The following PTPRT variants were observed in gnomAD, a reference collection of about 807,000 sequenced individuals.
PTPRT encodes receptor-type tyrosine-protein phosphatase T.
Under a neutral mutation model 176.8 loss-of-function variants are expected in PTPRT, and 56 were observed. That is an observed-to-expected ratio of 0.32 (90% confidence interval 0.26 to 0.40). The LOEUF (loss-of-function observed/expected upper bound fraction) is 0.40, where lower values mean the gene tolerates loss of function less well. Among genes scored for constraint, PTPRT ranks in the 10% least tolerant of loss-of-function variants. The pLI is 1.00. For missense variants in PTPRT, 1,540 were observed against 1,908.2 expected, an observed-to-expected ratio of 0.81 and a Z score of 3.60; for synonymous variants, 783 against 739.0, an observed-to-expected ratio of 1.06 and a Z score of -0.96.
At position 43,032,588 on chromosome 20, in the gene PTPRT, T is replaced by C. The variant is rs936279157; in HGVS notation, c.89-146656A>G. Among the ~76,000 whole-genome samples the C allele has an allele frequency of 3.3e-5, 5 of 152,216 alleles. No individual in the cohort carries two copies. In the East Asian group the frequency reaches 9.7e-4, roughly 29 times the overall value. On this transcript the variant is annotated intron_variant, in intron 1 of 30. Transcript: ENST00000373187. The stretch of plus-strand genomic sequence containing the variant: ...CATTTTTGTACCTGTTTATGTTCAC[T>C]TGATAAACAGAGGAAAGCTAATGCC...
intron 12 of PTPRT, among the ~76,000 whole-genome samples, chr20:42,302,622 C>A (rs1354683342): frequency 6.6e-6 from 1 of 152,170 alleles, no homozygotes; most frequent in Non-Finnish European, 1.5e-5. Context: ...AATTTATTGC[C>A]CACATTTGTC....
At chr20:42,343,010 A>G (rs1241572768) in intron 11 of PTPRT, among the ~76,000 whole-genome samples, 1 of 152,162 alleles carries the variant, frequency 6.6e-6, no homozygotes, top group East Asian at 1.9e-4. Context: ...ATATCTTGTT[A>G]CACTGTCTTC....
intron 1 of PTPRT, among the ~76,000 whole-genome samples, chr20:43,096,986 G>A (rs1192345148): frequency 1.3e-5 from 2 of 152,234 alleles, no homozygotes; most frequent in African/African-American, 2.4e-5. Flanking sequence ...AAAAGCCAAA[G>A]CTTCTGAGCA....
At chr20:42,882,546 C>A (rs1283251070) in intron 2 of PTPRT, among the ~76,000 whole-genome samples, 3 of 152,308 alleles carry the variant, frequency 2.0e-5, no homozygotes, top group Non-Finnish European at 1.5e-5. Flanking sequence ...GAGGAAAATA[C>A]ATGATCAGTT....
chr20:42,435,648 G>A (rs1186430673), intron 9 of PTPRT, among the ~76,000 whole-genome samples: 3 of 152,052 alleles, frequency 2.0e-5, no homozygotes, highest in Admixed American at 2.0e-4. Context: ...AACTATGAGA[G>A]ATATTAAAGA....
intron 12 of PTPRT, among the ~76,000 whole-genome samples, chr20:42,306,702 T>A (rs1314263367): frequency 6.6e-6 from 1 of 152,178 alleles, no homozygotes; most frequent in Non-Finnish European, 1.5e-5. Flanking sequence ...GGTACAGGTC[T>A]AAGGTCTGCT....
At chr20:42,905,004 T>G (rs2079455745) in intron 1 of PTPRT, among the ~76,000 whole-genome samples, 1 of 152,220 alleles carries the variant, frequency 6.6e-6, no homozygotes, top group Non-Finnish European at 1.5e-5. Flanking sequence ...GACATAGGCA[T>G]GGGCAAGGAC....
chr20:42,256,983 T>G (rs962073825), intron 13 of PTPRT, among the ~76,000 whole-genome samples: 6 of 152,110 alleles, frequency 3.9e-5, no homozygotes, highest in African/African-American at 1.4e-4. Context: ...CATCTCTTAT[T>G]AAAGTCTCCC....
intron 7 of PTPRT, among the ~76,000 whole-genome samples, chr20:42,474,455 G>T (rs1456198737): frequency 1.3e-5 from 2 of 152,206 alleles, no homozygotes; most frequent in Non-Finnish European, 2.9e-5. Context: ...AGGGTGTTGA[G>T]GATAGTGGGC....
chr20:42,770,686 A>G (rs1194175246), intron 5 of PTPRT, among the ~76,000 whole-genome samples: 1 of 152,200 alleles, frequency 6.6e-6, no homozygotes, highest in Non-Finnish European at 1.5e-5. Context: ...AGTACCAGTG[A>G]ATCACTGGAT....
chr20:42,370,903 G>T (rs2058578258), intron 9 of PTPRT, among the ~76,000 whole-genome samples: 2 of 152,046 alleles, frequency 1.3e-5, no homozygotes, highest in Non-Finnish European at 2.9e-5. Context: ...CCCAGGTACT[G>T]GCCCTACATC....
chr20:42,273,373 G>A (rs2056972663), intron 13 of PTPRT, among the ~76,000 whole-genome samples: 1 of 152,094 alleles, frequency 6.6e-6, no homozygotes, highest in African/African-American at 2.4e-5. Flanking sequence ...GCACCACCAT[G>A]CCAAGCTAAT....
intron 6 of PTPRT, among the ~76,000 whole-genome samples, chr20:42,731,339 A>G (rs2076457404): frequency 6.6e-6 from 1 of 152,178 alleles, no homozygotes; most frequent in South Asian, 2.1e-4. Context: ...CATTACAGCA[A>G]TTCCTCCTTG....
intron 6 of PTPRT, among the ~76,000 whole-genome samples, chr20:42,691,028 CCT>C (rs138498201): frequency 0.077 from 11,700 of 152,274 alleles, 493 homozygotes; most frequent in South Asian, 0.16. Flanking sequence ...CAGCCCAGCG[CCT>C]CTAGCCTCCT....
chr20:42,971,143 A>T (rs938598473), intron 1 of PTPRT: 6 of 152,240 alleles, frequency 3.9e-5, no homozygotes, highest in African/African-American at 1.2e-4. Context: ...CCTTTAGGAG[A>T]GAGCCAAAGA....
At chr20:42,719,959 C>T (rs2076281304) in intron 6 of PTPRT, among the ~76,000 whole-genome samples, 1 of 152,194 alleles carries the variant, frequency 6.6e-6, no homozygotes, top group African/African-American at 2.4e-5. Context: ...AGGCCTCCGC[C>T]ATGAACTCAC....
intron 19 of PTPRT, among the ~76,000 whole-genome samples, chr20:42,123,439 C>T (rs1987692163): frequency 6.6e-6 from 1 of 152,204 alleles, no homozygotes; most frequent in African/African-American, 2.4e-5. Flanking sequence ...TAGACATCAA[C>T]AGACTGGGGT....
At chr20:42,554,232 A>AT (rs1195866536) in intron 7 of PTPRT, among the ~76,000 whole-genome samples, 2 of 152,096 alleles carry the variant, frequency 1.3e-5, no homozygotes, top group African/African-American at 4.8e-5. Context: ...AATGTCTATA[A>AT]TACTAATCTG....
chr20:42,867,250 C>A (rs956477876), intron 2 of PTPRT, among the ~76,000 whole-genome samples: 1 of 152,160 alleles, frequency 6.6e-6, no homozygotes, highest in African/African-American at 2.4e-5. Flanking sequence ...ATTTTAGAGA[C>A]GAGCATGAGG....
Sources: gnomAD v4.1 joint callset for allele counts (sites outside exome capture counted in the v4.1 genomes callset) on GRCh38, gnomAD v4.1.1 for gene constraint, MANE v1.5 for transcripts, NCBI Gene and HGNC (gene_info 2026-07-23, HGNC 2026-07-21) for gene names.